Variants in ADAM19 observed in about 807,000 individuals in gnomAD.
ADAM19 encodes the protein ADAM metallopeptidase domain 19.
In ADAM19, 65 loss-of-function variants were observed where a neutral mutation model predicts 114.7. The observed-to-expected ratio is 0.57, with a 90% CI of 0.46 to 0.70. ADAM19 has a LOEUF of 0.70. Among genes scored for constraint, ADAM19 ranks in the 30% least tolerant of loss-of-function variants. The pLI, the probability that ADAM19 is intolerant of heterozygous loss-of-function variation, is 0.00. For synonymous variants in ADAM19, 466 were observed against 460.5 expected, an observed-to-expected ratio of 1.01 and a Z score of -0.15; for missense variants, 1,063 against 1,204.7, an observed-to-expected ratio of 0.88 and a Z score of 1.74.
intron 8 of ADAM19, 92 bp from the exon 9 acceptor site, chr5:157,509,559 A>G: frequency 9.5e-7 from 1 of 1,055,126 alleles, no homozygotes; most frequent in Non-Finnish European, 1.3e-6. Context: ...TGAGATTAAA[A>G]AGAAAAAAAC....
Position 157,480,782 on chromosome 5 carries a change from C to A in ADAM19, c.*167G>T, listed in dbSNP as rs760622400. 2 of 1,452,678 alleles carry A rather than the reference C, an allele frequency of 1.4e-6. No individual in the cohort carries two copies. The highest frequency in any genetic ancestry group is 1.5e-5 in the South Asian group (1 of 68,256). 90.0% of individuals were successfully genotyped at this position (1,452,678 alleles called of 1,614,324 possible). A position where few individuals can be genotyped will look rare whatever the true frequency, so the allele number is the denominator to read the frequency against. On this transcript the variant is annotated 3_prime_UTR_variant, in exon 23 of 23. Transcript: ENST00000257527. ...AGTCCCTCTGGGCTTCCAAGGAAGC[C>A]GAGGAGGCACTGAGTCAACAGGGAG...
At position 157,488,471 on chromosome 5, in the gene ADAM19, T is replaced by G. The variant is rs750581380; in HGVS notation, c.2344A>C (p.Ile782Leu). The G allele has an allele frequency of 6.2e-7, 1 of 1,604,508 alleles. No homozygotes were observed. Among genetic ancestry groups the G allele is most frequent in the East Asian group, 2.2e-5 (1 of 44,722 alleles). Residue 782 changes from isoleucine to leucine, a missense_variant, in exon 21 of 23, where the codon ATC becomes CTC. Ile to Leu is a conservative substitution (Grantham distance 5, BLOSUM62 2). This residue lies in a region of ADAM19 where 424 missense variants were observed against 445.5 expected (regional missense o/e 0.95). Coordinates refer to ENST00000257527, the MANE Select transcript of ADAM19 (RefSeq NM_033274.5). ...GGAGGCTGGGAGGGCTTCCGCAGGA[T>G]TTCCGGAGTGTTGATCACCTGTACG... ...GKRKVINTPE[I>L]LRKPSQPPPR...
intron 1 of ADAM19, 122 bp from the exon 2 acceptor site, chr5:157,571,102 C>T (rs1222390556): frequency 6.7e-6 from 5 of 749,166 alleles, no homozygotes; most frequent in East Asian, 2.5e-5. Context: ...GGATTTCAGG[C>T]TCTTGGCACT....
chr5:157,504,192 A>C (rs1755661782), intron 11 of ADAM19, among the ~76,000 whole-genome samples: 1 of 152,192 alleles, frequency 6.6e-6, no homozygotes, highest in African/African-American at 2.4e-5. Context: ...CTTAACCATG[A>C]GCTTATAGGG....
chr5:157,499,551 C>T lies in ADAM19; in HGVS notation c.1398+22G>A, dbSNP rs74509424. 1.6e-3 allele frequency: 2,596 copies of T among 1,601,386 alleles called. 29 individuals are homozygous for T. In the African/African-American group the frequency reaches 0.029, roughly 18 times the overall value. ...CCCACTGTCAGGCCAGGGCCCAAGGCGTGGAGAAAAGGGCCACTTACCTTA... is the reference window on the plus strand; with the variant it reads ...CCCACTGTCAGGCCAGGGCCCAAGGTGTGGAGAAAAGGGCCACTTACCTTA... On this transcript the variant is annotated intron_variant, in intron 13 of 22. Transcript: ENST00000257527.
At chr5:157,502,060 T>C (rs113501865) in intron 12 of ADAM19, among the ~76,000 whole-genome samples, 1 of 149,196 alleles carries the variant, frequency 6.7e-6, no homozygotes, top group South Asian at 2.2e-4. Context: ...GAGAAGGCCA[T>C]AAAATCAGAT....
At chr5:157,506,729 C>T (rs893898985) in intron 10 of ADAM19, among the ~76,000 whole-genome samples, 2 of 152,170 alleles carry the variant, frequency 1.3e-5, no homozygotes, top group East Asian at 3.8e-4. Context: ...AGCACACGAC[C>T]TGAAATAAAA....
chr5:157,558,829 C>G (rs1757431773), intron 3 of ADAM19, among the ~76,000 whole-genome samples: 1 of 152,228 alleles, frequency 6.6e-6, no homozygotes, highest in Admixed American at 6.5e-5. Flanking sequence ...TGAAAAATTC[C>G]TTTCCTGCCT....
At chr5:157,571,067 G>C (rs1323243886) in intron 1 of ADAM19, 87 bp from the exon 2 acceptor site, 1 of 1,107,400 alleles carries the variant, frequency 9.0e-7, no homozygotes, top group East Asian at 2.4e-5. Context: ...AGCTGCCCCT[G>C]CACTGGGTCA....
At chr5:157,575,377 G>T (rs1373790793) in intron 1 of ADAM19, among the ~76,000 whole-genome samples, 1 of 152,222 alleles carries the variant, frequency 6.6e-6, no homozygotes, top group South Asian at 2.1e-4. Flanking sequence ...GCCAGTGAGC[G>T]GACCGGCTGT....
chr5:157,523,725 C>T (rs1211575051), intron 5 of ADAM19, among the ~76,000 whole-genome samples: 5 of 152,296 alleles, frequency 3.3e-5, no homozygotes, highest in South Asian at 2.1e-4. Context: ...CCCAGCCTTA[C>T]GTATTCCTTT....
intron 4 of ADAM19, among the ~76,000 whole-genome samples, chr5:157,536,452 A>T (rs1581337225): frequency 1.3e-5 from 2 of 152,290 alleles, no homozygotes; most frequent in Middle Eastern, 6.8e-3. Context: ...ACATGGTGAA[A>T]CCCTGTCTCT....
rs556999973 is a variant in ADAM19, at chr5:157,481,927, C to T, written c.2567G>A (p.Arg856Gln). 1.2e-5 allele frequency: 20 copies of T among 1,603,634 alleles called. No individual in the cohort carries two copies. Among genetic ancestry groups the T allele is most frequent in the East Asian group, 4.5e-5 (2 of 44,628 alleles). The stretch of plus-strand genomic sequence containing the variant: ...TGCCGGGAGTGCCTTCTGGGGCGGC[C>T]GAGGCCTGGAGAAGTCCTGGAGAGA... ...CIVSQDFSRP[R>Q]PPQKALPANP... The change falls in exon 22 of 23, where the codon CGG becomes CAG. Residue 856 changes from arginine to glutamine, a missense_variant. Coordinates refer to ENST00000257527, the MANE Select transcript of ADAM19 (RefSeq NM_033274.5).
At position 157,495,975 on chromosome 5, in the gene ADAM19, C is replaced by T. The variant is rs114504206; in HGVS notation, c.1594+919G>A. ...TTTTTTTTTTTGAGATGGTACATCCCTCTGTCGCTTGGGCTGGAGTCCTAG... is the reference window on the plus strand; with the variant it reads ...TTTTTTTTTTTGAGATGGTACATCCTTCTGTCGCTTGGGCTGGAGTCCTAG... On this transcript the variant is annotated intron_variant, in intron 14 of 22. Coordinates refer to ENST00000257527, the MANE Select transcript of ADAM19 (RefSeq NM_033274.5). Among the ~76,000 whole-genome samples the T allele has an allele frequency of 2.0e-3, 261 of 130,322 alleles. 1 individual carries two copies. Among genetic ancestry groups the T allele is most frequent in the African/African-American group, 7.4e-3 (256 of 34,782 alleles). 85.5% of individuals were successfully genotyped at this position (130,322 alleles called of 152,430 possible).
intron 8 of ADAM19, among the ~76,000 whole-genome samples, chr5:157,513,019 G>GTTA (rs765794392): frequency 7.9e-5 from 12 of 152,158 alleles, no homozygotes; most frequent in Non-Finnish European, 1.2e-4. Context: ...CCACTGCAGG[G>GTTA]GTAAGAGGAA....
At chr5:157,481,135 C>G (rs1355367602) in intron 22 of ADAM19, 133 bp from the exon 23 acceptor site, 8 of 1,197,654 alleles carry the variant, frequency 6.7e-6, no homozygotes, top group Non-Finnish European at 9.4e-6. Context: ...CTTGTGAAGT[C>G]CATCCATGTG....
Position 157,541,597 on chromosome 5 carries a change from G to A in ADAM19, c.252-3606C>T, listed in dbSNP as rs10067579. Among the ~76,000 whole-genome samples the A allele has an allele frequency of 7.6e-3, 1,157 of 152,096 alleles. 23 individuals are homozygous for A. The highest frequency in any genetic ancestry group is 0.024 in the African/African-American group (1,002 of 41,484). On this transcript the variant is annotated intron_variant, in intron 3 of 22. Transcript: ENST00000257527. ...GGAAAATAAGCTACCCCCAAATACCGGACATAAAACATTAGGTCACTCTCT... is the reference window on the plus strand; with the variant it reads ...GGAAAATAAGCTACCCCCAAATACCAGACATAAAACATTAGGTCACTCTCT...
At position 157,490,333 on chromosome 5, in the gene ADAM19, A is replaced by G. The variant is rs1189315434; in HGVS notation, c.2217T>C (p.Pro739=). The G allele has an allele frequency of 4.3e-6, 7 of 1,614,052 alleles. 1 individual carries two copies. In the South Asian group the frequency reaches 6.6e-5, roughly 15 times the overall value. Residue 739 remains proline (P), a synonymous_variant, in exon 19 of 23, where the codon CCT becomes CCC. Coordinates refer to ENST00000257527, the MANE Select transcript of ADAM19 (RefSeq NM_033274.5). ...KLGQLKPSAL[P]SKLRQQFSCP... is the part of the protein sequence containing the mutation. ...ACCTGAACTGTTGCCTCAGCTTGGA[A>G]GGGAGAGCTGAGGGCTTGAGTTGGC...
intron 3 of ADAM19, among the ~76,000 whole-genome samples, chr5:157,562,017 G>A (rs1757522376): frequency 6.6e-6 from 1 of 151,850 alleles, no homozygotes; most frequent in Non-Finnish European, 1.5e-5. Flanking sequence ...TCCCCCAAAT[G>A]TCATGAGATT....
Sources: allele counts gnomAD v4.1 joint callset (sites outside exome capture counted in the v4.1 genomes callset), GRCh38; gene constraint gnomAD v4.1.1; regional missense constraint gnomAD v4.1.1; transcripts MANE v1.5; gene names NCBI Gene and HGNC (gene_info 2026-07-23, HGNC 2026-07-21).